Variants in CACNA1E observed in about 807,000 individuals in gnomAD.
The protein encoded by CACNA1E is voltage-dependent R-type calcium channel subunit alpha-1E.
Under a neutral mutation model 259.2 loss-of-function variants are expected in CACNA1E, and 40 were observed. That is an observed-to-expected ratio of 0.15 (90% CI 0.12 to 0.20). The LOEUF is 0.20. CACNA1E is among the 10% of genes least tolerant of loss of function. The probability of loss-of-function intolerance (pLI) is 1.00; values close to 1 mark genes in which losing one functional copy is unlikely to be tolerated. For synonymous variants in CACNA1E, 1,104 were observed against 1,138.5 expected, an observed-to-expected ratio of 0.97 and a Z score of 0.61; for missense variants, 1,874 against 3,040.1, an observed-to-expected ratio of 0.62 and a Z score of 9.02.
At chr1:181,719,987 CT>C in intron 13 of CACNA1E, 124 bp downstream of exon 13, 1 of 743,774 alleles carries the variant, frequency 1.3e-6, no homozygotes. Flanking sequence ...TGCCCCACCC[CT>C]TTTCTATTCT....
chr1:181,789,324 A>C (rs1349439701), intron 43 of CACNA1E, among the ~76,000 whole-genome samples: 1 of 152,204 alleles, frequency 6.6e-6, no homozygotes, highest in African/African-American at 2.4e-5. Context: ...CATTGGAAGC[A>C]AGGGGACAGA....
chr1:181,368,248 G>T (rs2101944926), intron 1 of CACNA1E, among the ~76,000 whole-genome samples: 1 of 142,310 alleles, frequency 7.0e-6, no homozygotes, highest in Non-Finnish European at 1.5e-5. Flanking sequence ...AAAATAAAAA[G>T]AAAATGTGTC....
At chr1:181,544,109 C>T (rs1330539255) in intron 3 of CACNA1E, among the ~76,000 whole-genome samples, 1 of 152,120 alleles carries the variant, frequency 6.6e-6, no homozygotes, top group Non-Finnish European at 1.5e-5. Context: ...GCATGTCAGA[C>T]AATGGAATAC....
intron 3 of CACNA1E, among the ~76,000 whole-genome samples, chr1:181,548,328 G>A (rs1050072938): frequency 2.6e-5 from 4 of 152,084 alleles, no homozygotes; most frequent in South Asian, 2.1e-4. Context: ...GTTTCACCAG[G>A]TTGGCTAGGC....
At chr1:181,408,781 C>A (rs1046300223) in intron 1 of CACNA1E, among the ~76,000 whole-genome samples, 5 of 152,200 alleles carry the variant, frequency 3.3e-5, no homozygotes, top group Non-Finnish European at 7.3e-5. Context: ...TAGAGTCAGA[C>A]TGGTGCTCTC....
chr1:181,732,708 G>A lies in CACNA1E; in HGVS notation c.2622G>A (p.Leu874=). 6.5e-7 allele frequency: 1 copy of A among 1,540,628 alleles called. No homozygotes were observed. Among genetic ancestry groups the A allele is most frequent in the South Asian group, 1.3e-5 (1 of 77,868 alleles). The change falls in exon 20 of 48, where the codon TTG becomes TTA. Residue 874 remains leucine (L), a synonymous_variant. Coordinates refer to ENST00000367573, the MANE Select transcript of CACNA1E (RefSeq NM_001205293.3). The surrounding 1 kb of genome is among the most constrained non-coding windows in gnomAD (Gnocchi z 5.5). ...SSALDNQRTP[L]SLGQREPPWL... is the part of the protein sequence containing the mutation. ...CCCTGGACAACCAGAGGACCCCTTT[G>A]TCCCTGGGCCAGCGGGAGCCACCAT... is the stretch of plus-strand genomic sequence containing the variant.
intron 8 of CACNA1E, among the ~76,000 whole-genome samples, chr1:181,714,977 A>G (rs1653752051): frequency 6.6e-6 from 1 of 152,228 alleles, no homozygotes; most frequent in African/African-American, 2.4e-5. Flanking sequence ...CTAGAAGTTC[A>G]AGGAGTTAGG....
chr1:181,731,980 G>GGAAA (rs987247518), intron 19 of CACNA1E, among the ~76,000 whole-genome samples: 3 of 151,876 alleles, frequency 2.0e-5, no homozygotes, highest in African/African-American at 2.4e-5. Context: ...GAGAGGAGGA[G>GGAAA]GAAAGACCTT....
Position 181,483,615 on chromosome 1 carries a change from C to T in CACNA1E, c.-130C>T. On this transcript the variant is annotated 5_prime_UTR_variant, in exon 1 of 48. Transcript: ENST00000367573. ...CCTCTCCGAAGAGCTCGCGGAGCTC[C>T]CCAGAGGCGGTGGTCCCCGTGCTTG... The T allele has an allele frequency of 1.8e-6, 1 of 565,420 alleles. No individual in the cohort carries two copies. Among genetic ancestry groups the T allele is most frequent in the Non-Finnish European group, 3.0e-6 (1 of 333,126 alleles). The allele number at this position is 565,420 out of a possible 1,614,324, so 35.0% of individuals were successfully genotyped here. A position where few individuals can be genotyped will look rare whatever the true frequency, so the allele number is the denominator to read the frequency against.
intron 14 of CACNA1E, among the ~76,000 whole-genome samples, 157 bp downstream of exon 14, chr1:181,720,494 G>A (rs907262983): frequency 6.6e-6 from 1 of 152,208 alleles, no homozygotes; most frequent in Non-Finnish European, 1.5e-5. Context: ...TGGAGTAAAC[G>A]TCTCTGCTTT....
At chr1:181,456,745 C>G (rs1240525837) in intron 2 of CACNA1E, among the ~76,000 whole-genome samples, 1 of 152,184 alleles carries the variant, frequency 6.6e-6, no homozygotes, top group African/African-American at 2.4e-5. Context: ...CATGTTCACC[C>G]TCTCTGTCTC....
rs1186699195 is a variant in CACNA1E, at chr1:181,737,779, A to G, written c.3552+125A>G. On this transcript the variant is annotated intron_variant, in intron 23 of 47. Coordinates refer to ENST00000367573, the MANE Select transcript of CACNA1E (RefSeq NM_001205293.3). ...AATGAGCAAGGGTTGGAAATTGTCC[A>G]CTCCTGTTCCTCAGGGCGAAGTATG... 4 of 1,289,296 alleles carry G rather than the reference A, an allele frequency of 3.1e-6. No individual in the cohort carries two copies. The African/African-American group carries it at 4.4e-5, about 14-fold the overall frequency. The allele number at this position is 1,289,296 out of a possible 1,614,324, so 79.9% of individuals were successfully genotyped here. A position where few individuals can be genotyped will look rare whatever the true frequency, so the allele number is the denominator to read the frequency against.
rs1232540250 is a variant in CACNA1E at position 181,594,647 on chromosome 1, C to T, written c.951+13871C>T. 2.0e-5 allele frequency among the ~76,000 whole-genome samples: 3 copies of T among 152,216 alleles called. No homozygotes were observed. In the East Asian group the frequency reaches 5.8e-4, roughly 29 times the overall value. ...TCCTGACTGCAAGTGATCCACCTGC[C>T]ATGGCCTCCCAAAGTGCTGGGATTA... On this transcript the variant is annotated intron_variant, in intron 6 of 47. Coordinates refer to ENST00000367573, the MANE Select transcript of CACNA1E (RefSeq NM_001205293.3).
chr1:181,793,532 A>C, intron 44 of CACNA1E, 133 bp from the exon 45 acceptor site: 1 of 924,748 alleles, frequency 1.1e-6, no homozygotes. Flanking sequence ...ACACATATAC[A>C]TACAACTGAG....
intron 3 of CACNA1E, among the ~76,000 whole-genome samples, chr1:181,524,072 C>T (rs1667174358): frequency 6.6e-6 from 1 of 152,180 alleles, no homozygotes; most frequent in Non-Finnish European, 1.5e-5. Flanking sequence ...GCCAGTGAGG[C>T]CCCACCACCC....
intron 1 of CACNA1E, 107 bp from the exon 2 acceptor site, chr1:181,510,370 C>G (rs1666063096): frequency 2.7e-6 from 2 of 734,472 alleles, no homozygotes; most frequent in Admixed American, 2.0e-5. Context: ...ATCATGCAAA[C>G]TGCACAGACA....
intron 6 of CACNA1E, among the ~76,000 whole-genome samples, chr1:181,599,883 G>A (rs1403208734): frequency 6.6e-6 from 1 of 152,156 alleles, no homozygotes; most frequent in Non-Finnish European, 1.5e-5. Context: ...ATTATAGCTA[G>A]GCATTGTGCT....
At chr1:181,723,941 C>T (rs1261159715) in intron 16 of CACNA1E, among the ~76,000 whole-genome samples, 1 of 152,146 alleles carries the variant, frequency 6.6e-6, no homozygotes, top group Admixed American at 6.5e-5. Flanking sequence ...ATTACATAGG[C>T]ATGATTGATT....
chr1:181,609,053 G>C (rs573738848), intron 6 of CACNA1E, among the ~76,000 whole-genome samples: 1 of 152,304 alleles, frequency 6.6e-6, no homozygotes, highest in Admixed American at 6.5e-5. Context: ...TTCAGCTTAG[G>C]AAGAAGAAAT....
Sources: gnomAD v4.1 joint callset for allele counts (sites outside exome capture counted in the v4.1 genomes callset) on GRCh38, gnomAD v4.1.1 for gene constraint, Gnocchi (gnomAD v3.1) non-coding constraint, MANE v1.5 for transcripts, NCBI Gene and HGNC (gene_info 2026-07-23, HGNC 2026-07-21) for gene names.